The following NACC2 variants were observed in gnomAD, a reference collection of about 807,000 sequenced individuals.
NACC2 encodes NACC family member 2.
In NACC2, 8 loss-of-function variants were observed where a neutral mutation model predicts 25.1. The ratio of observed to expected loss-of-function variants is 0.32; its 90% CI spans 0.19 to 0.57. The LOEUF is 0.57. Among genes scored for constraint, NACC2 ranks in the 20% least tolerant of loss-of-function variants. The pLI is 0.89. For synonymous variants in NACC2, 435 were observed against 294.7 expected (o/e 1.48, Z -4.88); for missense variants, 644 against 650.2 (o/e 0.99, Z 0.10).
At chr9:136,057,690 G>A (rs573092114) in intron 1 of NACC2, among the ~76,000 whole-genome samples, 2 of 152,290 alleles carry the variant, frequency 1.3e-5, no homozygotes, top group Non-Finnish European at 2.9e-5. Flanking sequence ...CCCCTGCACC[G>A]GCTCGGCCGG....
At position 136,018,943 on chromosome 9, in the gene NACC2, CAGA is replaced by C. The variant is rs1280024380; in HGVS notation, c.887-2517_887-2515del. 6.6e-6 allele frequency among the ~76,000 whole-genome samples: 1 copy of C among 152,044 alleles called. No individual in the cohort carries two copies. The highest frequency in any genetic ancestry group is 1.5e-5 in the Non-Finnish European group (1 of 68,012). On this transcript the variant is annotated intron_variant, in intron 2 of 5. Transcript: ENST00000277554. This position sits in a 1 kb window ranked among gnomAD's most constrained non-coding sequence, Gnocchi z 4.4. Reference sequence around the variant, plus strand: ...CGTCTCGAGATGTTTTTCTAAACAGCAGAAGTTGTTTGTGCTTGGAACACCCGC... The same window carrying C: ...CGTCTCGAGATGTTTTTCTAAACAGCAGTTGTTTGTGCTTGGAACACCCGC...
intron 1 of NACC2, among the ~76,000 whole-genome samples, chr9:136,059,432 G>C (rs759312287): frequency 6.6e-6 from 1 of 152,224 alleles, no homozygotes; most frequent in Admixed American, 6.5e-5. Context: ...CAGACCTGGC[G>C]CTCCTGAGAA....
Position 136,013,159 on chromosome 9 carries a change from G to GGCCCCGGCCCCCCCCCC in NACC2, c.1255+39_1255+40insGGGGGGGGGGCCGGGGC. 4.0e-6 allele frequency: 3 copies of GGCCCCGGCCCCCCCCCC among 754,874 alleles called. No homozygotes were observed. The highest frequency in any genetic ancestry group is 7.0e-6 in the Non-Finnish European group (3 of 425,906). 46.8% of individuals were successfully genotyped at this position (754,874 alleles called of 1,614,324 possible). A position where few individuals can be genotyped will look rare whatever the true frequency, so the allele number is the denominator to read the frequency against. On this transcript the variant is annotated intron_variant, in intron 5 of 5. Coordinates refer to ENST00000277554, the MANE Select transcript of NACC2 (RefSeq NM_144653.5). This position sits in a 1 kb window ranked among gnomAD's most constrained non-coding sequence, Gnocchi z 6.6. ...CTCCTCAGGCTGGGATCTGAACCCA[G>GGCCCCGGCCCCCCCCCC]CCCCGGCCCCACCCACCCGAGAGAC... is the stretch of plus-strand genomic sequence containing the variant.
chr9:136,056,045 CAGG>C (rs1840920073), intron 1 of NACC2, among the ~76,000 whole-genome samples: 2 of 152,086 alleles, frequency 1.3e-5, no homozygotes, highest in Admixed American at 1.3e-4. Context: ...GTGCAGGCTC[CAGG>C]AGGATTTGCT....
chr9:136,041,060 A>G (rs1054319713), intron 2 of NACC2, among the ~76,000 whole-genome samples: 4 of 148,698 alleles, frequency 2.7e-5, no homozygotes, highest in African/African-American at 9.9e-5. Context: ...GGAAGGAAGG[A>G]AAGGAAGGAA....
intron 1 of NACC2, among the ~76,000 whole-genome samples, chr9:136,059,945 TC>T (rs1840985069): frequency 6.6e-6 from 1 of 152,070 alleles, no homozygotes; most frequent in African/African-American, 2.4e-5. Flanking sequence ...CCGCACCCTG[TC>T]CCCTCCTCAG....
chr9:136,046,700 T>C (rs1338639649), intron 2 of NACC2, among the ~76,000 whole-genome samples: 2 of 152,122 alleles, frequency 1.3e-5, no homozygotes, highest in East Asian at 3.9e-4. Flanking sequence ...AACCTGAATG[T>C]CCTTTGATAA....
chr9:136,049,688 C>G lies in NACC2; in HGVS notation c.834G>C (p.Met278Ile), dbSNP rs1840786293. The change falls in exon 2 of 6, where the codon ATG becomes ATC. Residue 278 changes from methionine (M) to isoleucine (I), a missense_variant. Coordinates refer to ENST00000277554, the MANE Select transcript of NACC2 (RefSeq NM_144653.5). ...ACATCTGGCCGTACTGCTCCTCCACCATGGTGTCGTAGGCCTCGTCGTCCT... is the reference window on the plus strand; with the variant it reads ...ACATCTGGCCGTACTGCTCCTCCACGATGGTGTCGTAGGCCTCGTCGTCCT... ...DEEDDEAYDT[M>I]VEEQYGQMYI... is the part of the protein sequence containing the mutation. 2 of 779,236 alleles carry G rather than the reference C, an allele frequency of 2.6e-6. No homozygotes were observed. The highest frequency in any genetic ancestry group is 4.8e-6 in the Non-Finnish European group (2 of 417,478). The allele number at this position is 779,236 out of a possible 1,614,324, so 48.3% of individuals were successfully genotyped here. A position where few individuals can be genotyped will look rare whatever the true frequency, so the allele number is the denominator to read the frequency against.
chr9:136,063,057 A>G (rs871093), intron 1 of NACC2, among the ~76,000 whole-genome samples: 151,061 of 152,354 alleles, frequency 0.99, 74,901 homozygotes, highest in East Asian at 1. Context: ...GTTTTCTTCT[A>G]ATTTTTGTTC....
At chr9:136,088,171 T>C (rs1588586071) in intron 1 of NACC2, among the ~76,000 whole-genome samples, 1 of 152,104 alleles carries the variant, frequency 6.6e-6, no homozygotes, top group South Asian at 2.1e-4. Flanking sequence ...CTGTGCAGGG[T>C]CAGCGGAATT....
intron 2 of NACC2, among the ~76,000 whole-genome samples, chr9:136,046,081 G>A (rs1432129336): frequency 3.9e-5 from 6 of 152,198 alleles, no homozygotes; most frequent in African/African-American, 1.4e-4. Context: ...AGGGGCTCCC[G>A]CTCAGGCCAC....
At position 136,009,540 on chromosome 9, in the gene NACC2, A is replaced by C. The variant is rs1484398519; in HGVS notation, c.*1976T>G. 2.6e-5 allele frequency: 4 copies of C among 152,276 alleles called. No individual in the cohort carries two copies. The East Asian group carries it at 7.7e-4, about 29-fold the overall frequency. 9.4% of individuals were successfully genotyped at this position (152,276 alleles called of 1,614,324 possible). A position where few individuals can be genotyped will look rare whatever the true frequency, so the allele number is the denominator to read the frequency against. ...GGTCCCCCACCTCCTTCTGGAAAGCAACGTATTTTTCTGGAGGGCAGGCAT... is the reference window on the plus strand; with the variant it reads ...GGTCCCCCACCTCCTTCTGGAAAGCCACGTATTTTTCTGGAGGGCAGGCAT... On this transcript the variant is annotated 3_prime_UTR_variant, in exon 6 of 6. Transcript: ENST00000277554.
chr9:136,017,092 C>T (rs775493550), intron 2 of NACC2, among the ~76,000 whole-genome samples: 1 of 152,178 alleles, frequency 6.6e-6, no homozygotes, highest in Non-Finnish European at 1.5e-5. Context: ...TCCATAAACA[C>T]TTGCCAATAG....
Position 136,086,222 on chromosome 9 carries a change from C to T in NACC2, c.-60+8967G>A, listed in dbSNP as rs562541082. ...CATGGGCCTTCAGAGCAGCAAAGCG[C>T]AGTGCCTGCCTTCCTGTGAGAGAAC... On this transcript the variant is annotated intron_variant, in intron 1 of 5. Transcript: ENST00000277554. This position sits in a 1 kb window ranked among gnomAD's most constrained non-coding sequence, Gnocchi z 5.6. Among the ~76,000 whole-genome samples, 27 of 152,350 alleles carry T rather than the reference C, an allele frequency of 1.8e-4. No homozygotes were observed. Among genetic ancestry groups the T allele is most frequent in the African/African-American group, 6.5e-4 (27 of 41,582 alleles).
chr9:136,061,991 G>A (rs1841017082), intron 1 of NACC2, among the ~76,000 whole-genome samples: 1 of 152,078 alleles, frequency 6.6e-6, no homozygotes, highest in African/African-American at 2.4e-5. Flanking sequence ...GTGGTGGTGT[G>A]CACCTGTAAT....
intron 2 of NACC2, among the ~76,000 whole-genome samples, chr9:136,037,597 T>A (rs1840573174): frequency 6.6e-6 from 1 of 151,586 alleles, no homozygotes; most frequent in Middle Eastern, 3.2e-3. Flanking sequence ...AACCTCTGCC[T>A]CCTAGGTTCA....
intron 1 of NACC2, among the ~76,000 whole-genome samples, chr9:136,079,706 G>A (rs1830301262): frequency 6.6e-6 from 1 of 152,242 alleles, no homozygotes; most frequent in Non-Finnish European, 1.5e-5. Flanking sequence ...GAGCCCTGGA[G>A]CGTGGCTGCA....
Position 136,018,614 on chromosome 9 carries a change from G to A in NACC2, c.887-2185C>T, listed in dbSNP as rs1298542748. On this transcript the variant is annotated intron_variant, in intron 2 of 5. Transcript: ENST00000277554. The surrounding 1 kb of genome is among the most constrained non-coding windows in gnomAD (Gnocchi z 4.4). ...CTTCCCAAGGCCCAGGGACACCCAA[G>A]CAGAGGCTGCAACAGAACAGAGGCC... Among the ~76,000 whole-genome samples, 2 of 152,078 alleles carry A rather than the reference G, an allele frequency of 1.3e-5. No homozygotes were observed. Among genetic ancestry groups the A allele is most frequent in the African/African-American group, 4.8e-5 (2 of 41,396 alleles).
intron 1 of NACC2, among the ~76,000 whole-genome samples, chr9:136,081,094 C>A (rs1046037596): frequency 6.6e-6 from 1 of 152,152 alleles, no homozygotes; most frequent in African/African-American, 2.4e-5. Flanking sequence ...AAGAAACGCG[C>A]GTTTCCCATA....
Sources: gnomAD v4.1 joint callset for allele counts (sites outside exome capture counted in the v4.1 genomes callset) on GRCh38, gnomAD v4.1.1 for gene constraint, Gnocchi (gnomAD v3.1) non-coding constraint, MANE v1.5 for transcripts, NCBI Gene and HGNC (gene_info 2026-07-23, HGNC 2026-07-21) for gene names.